ACYP2: variants seen among roughly 807,000 people sequenced by gnomAD.
ACYP2 encodes the protein acylphosphatase 2, also known as acylphosphatase-2.
ACYP2 carries 12 observed loss-of-function variants against 11.2 expected under a neutral mutation model. The observed-to-expected ratio is 1.08, with a 90% CI of 0.69 to 1.74. The LOEUF (loss-of-function observed/expected upper bound fraction) is 1.74, where lower values mean the gene tolerates loss of function less well. ACYP2 is among the 40% of genes most tolerant of loss of function. ACYP2 has a pLI of 0.00. For missense variants in ACYP2, 134 were observed against 101.9 expected (o/e 1.31, Z -1.35); for synonymous variants, 43 against 32.2 (o/e 1.33, Z -1.13).
chr2:54,244,116 A>C (rs1686845903), intron 6 of ACYP2, among the ~76,000 whole-genome samples: 1 of 152,104 alleles, frequency 6.6e-6, no homozygotes, highest in African/African-American at 2.4e-5. Context: ...AATTCAACTT[A>C]ATTTTATTAA....
At chr2:54,243,451 C>T (rs1348057085) in intron 6 of ACYP2, among the ~76,000 whole-genome samples, 2 of 152,120 alleles carry the variant, frequency 1.3e-5, no homozygotes, top group Non-Finnish European at 1.5e-5. Flanking sequence ...CCTATGGGAC[C>T]ATTGTCATAC....
chr2:54,050,537 C>A (rs1257658817), intron 2 of ACYP2, among the ~76,000 whole-genome samples: 1 of 144,406 alleles, frequency 6.9e-6, no homozygotes, highest in East Asian at 2.0e-4. Context: ...TAGAGTGAAA[C>A]CCCATCCCTG....
intron 6 of ACYP2, among the ~76,000 whole-genome samples, chr2:54,154,120 T>C (rs1177913306): frequency 6.6e-6 from 1 of 152,130 alleles, no homozygotes; most frequent in Non-Finnish European, 1.5e-5. Context: ...CTGTTGCTAG[T>C]GTATAGGAAT....
At chr2:54,085,270 G>A (rs367870586) in intron 4 of ACYP2, among the ~76,000 whole-genome samples, 2 of 152,046 alleles carry the variant, frequency 1.3e-5, no homozygotes, top group South Asian at 4.1e-4. Flanking sequence ...GCGGGTCCAC[G>A]TGGTGGCACT....
intron 6 of ACYP2, among the ~76,000 whole-genome samples, chr2:54,176,996 C>A (rs1683490705): frequency 6.6e-6 from 1 of 152,186 alleles, no homozygotes; most frequent in Admixed American, 6.5e-5. Context: ...CACAACAAAC[C>A]CGCATGCAAA....
At chr2:54,014,874 C>T (rs1021227959) in intron 2 of ACYP2, among the ~76,000 whole-genome samples, 29 of 152,126 alleles carry the variant, frequency 1.9e-4, no homozygotes, top group African/African-American at 6.5e-4. Context: ...GTCCTCCCAC[C>T]TCAGCCTCTC....
chr2:54,277,633 G>A lies in ACYP2; in HGVS notation c.405-27055G>A, dbSNP rs1354567325. Among the ~76,000 whole-genome samples the A allele has an allele frequency of 3.9e-5, 6 of 151,910 alleles. No homozygotes were observed. The East Asian group carries it at 9.7e-4, about 24-fold the overall frequency. Reference sequence around the variant, plus strand: ...GCGGAGGTTGCAGTGAGCCACAGTCGTGCTACTGCACCCCAGCCTGGGCGA... The same window carrying A: ...GCGGAGGTTGCAGTGAGCCACAGTCATGCTACTGCACCCCAGCCTGGGCGA... On this transcript the variant is annotated intron_variant, in intron 6 of 6. Transcript: ENST00000607452.
intron 4 of ACYP2, among the ~76,000 whole-genome samples, chr2:54,109,015 C>T (rs1558534185): frequency 6.6e-6 from 1 of 152,122 alleles, no homozygotes; most frequent in Non-Finnish European, 1.5e-5. Context: ...CTTCTTTATG[C>T]CAGTTCAGAT....
chr2:54,122,026 T>C lies in ACYP2; in HGVS notation c.278-13427T>C, dbSNP rs558426331. ...CTCCAGGGAACAGAACCTGGACTGA[T>C]GGTGAAAGGTTAAGTAAGGCAGAAT... On this transcript the variant is annotated intron_variant, in intron 4 of 6. Transcript: ENST00000607452. Among the ~76,000 whole-genome samples the C allele has an allele frequency of 1.3e-3, 192 of 152,316 alleles. 1 individual carries two copies. The highest frequency in any genetic ancestry group is 2.1e-3 in the Non-Finnish European group (144 of 68,028).
At chr2:54,201,654 CTTTCTTTCTTTCTTTCTTTCTTTCTT>C (rs1684821178) in intron 6 of ACYP2, among the ~76,000 whole-genome samples, 1 of 66,696 alleles carries the variant, frequency 1.5e-5, no homozygotes, top group African/African-American at 4.5e-5. Context: ...TTCTTTCTTT[CTTTCTTTCTTTCTTTCTTTCTTTCTT>C]TCTCTCTCTC....
chr2:54,053,865 A>G (rs752730091), intron 3 of ACYP2, among the ~76,000 whole-genome samples: 37 of 152,304 alleles, frequency 2.4e-4, no homozygotes, highest in Non-Finnish European at 4.6e-4. Flanking sequence ...TTTGCTCTTG[A>G]TTAGACCCTA....
rs915447177 is a variant in ACYP2, at chr2:54,304,858, A to C, written c.*56A>C. ...ATAGATACTGTATGTTCTTAAGACTATGTATACTAGAATAATAGTAGCAGA... is the reference window on the plus strand; with the variant it reads ...ATAGATACTGTATGTTCTTAAGACTCTGTATACTAGAATAATAGTAGCAGA... On this transcript the variant is annotated 3_prime_UTR_variant, in exon 7 of 7. Transcript: ENST00000607452. 7.0e-5 allele frequency: 66 copies of C among 942,206 alleles called. No individual in the cohort carries two copies. The highest frequency in any genetic ancestry group is 6.7e-5 in the Non-Finnish European group (42 of 628,998). The allele number at this position is 942,206 out of a possible 1,614,324, so 58.4% of individuals were successfully genotyped here.
At chr2:54,180,539 A>G (rs1463628125) in intron 6 of ACYP2, among the ~76,000 whole-genome samples, 2 of 152,094 alleles carry the variant, frequency 1.3e-5, no homozygotes, top group East Asian at 3.9e-4. Context: ...GTGATCAAAG[A>G]CCAAATATAT....
At chr2:54,026,925 G>A (rs1215285427) in intron 2 of ACYP2, among the ~76,000 whole-genome samples, 2 of 152,098 alleles carry the variant, frequency 1.3e-5, no homozygotes, top group Non-Finnish European at 2.9e-5. Context: ...GGAGGGGAGC[G>A]AGGGATAAAA....
chr2:54,262,709 G>A (rs1388670843), intron 6 of ACYP2, among the ~76,000 whole-genome samples: 2 of 136,498 alleles, frequency 1.5e-5, no homozygotes, highest in Admixed American at 7.1e-5. Flanking sequence ...TAATCTCTCT[G>A]TGATTACTTT....
At chr2:54,043,789 T>C (rs1178879827) in intron 2 of ACYP2, among the ~76,000 whole-genome samples, 1 of 152,136 alleles carries the variant, frequency 6.6e-6, no homozygotes, top group Non-Finnish European at 1.5e-5. Context: ...TCTAACCTTA[T>C]TCATAAAAGG....
intron 4 of ACYP2, among the ~76,000 whole-genome samples, chr2:54,069,846 T>G (rs1209429621): frequency 6.6e-6 from 1 of 152,346 alleles, no homozygotes; most frequent in African/African-American, 2.4e-5. Context: ...GCAAGTTATA[T>G]GTGTTTAAAA....
intron 2 of ACYP2, among the ~76,000 whole-genome samples, chr2:54,046,073 G>C (rs1453370719): frequency 4.6e-5 from 7 of 150,830 alleles, no homozygotes; most frequent in African/African-American, 1.7e-4. Flanking sequence ...GGGAGGCTGA[G>C]GTAGGAGGAT....
chr2:53,993,509 C>T (rs975786407), intron 2 of ACYP2, among the ~76,000 whole-genome samples: 10 of 151,858 alleles, frequency 6.6e-5, no homozygotes, highest in African/African-American at 2.4e-4. Flanking sequence ...ACCAACCTAG[C>T]CAACGTGGCG....
Sources: gnomAD v4.1 joint callset for allele counts (sites outside exome capture counted in the v4.1 genomes callset) on GRCh38, gnomAD v4.1.1 for gene constraint, MANE v1.5 for transcripts, NCBI Gene and HGNC (gene_info 2026-07-23, HGNC 2026-07-21) for gene names.